The following ADD3 variants were observed in gnomAD, a reference collection of about 807,000 sequenced individuals.
The protein encoded by ADD3 is gamma-adducin.
In ADD3, 25 loss-of-function variants were observed where a neutral mutation model predicts 80.2. The observed-to-expected ratio is 0.31, with a 90% CI of 0.23 to 0.44. The LOEUF is 0.44. Among genes scored for constraint, ADD3 ranks in the 20% least tolerant of loss-of-function variants. The pLI is 1.00. For synonymous variants in ADD3, 284 were observed against 289.6 expected (o/e 0.98, Z 0.20); for missense variants, 829 against 847.5 (o/e 0.98, Z 0.27).
At chr10:110,001,525 A>G (rs1436067680), upstream of ADD3, among the ~76,000 whole-genome samples, 2 of 152,188 alleles carry the variant, frequency 1.3e-5, no homozygotes, top group African/African-American at 4.8e-5. Flanking sequence ...TCTCTTTCAC[A>G]TAATGAAACG....
rs114394576 is a variant in ADD3 at position 110,058,371 on chromosome 10, A to G, written c.-29-42254A>G. Among the ~76,000 whole-genome samples the G allele has an allele frequency of 9.6e-3, 1,461 of 152,286 alleles. 22 individuals are homozygous for G. Among genetic ancestry groups the G allele is most frequent in the African/African-American group, 0.03 (1,252 of 41,556 alleles). On this transcript the variant is annotated intron_variant, in intron 1 of 14. Transcript: ENST00000356080. ...TTGATAAACTGTGGAGCCGCCTGTG[A>G]AAAAGGGCAAGATCTCAGAATTCCT...
chr10:110,027,058 A>C (rs1367544034), intron 1 of ADD3, among the ~76,000 whole-genome samples: 2 of 152,240 alleles, frequency 1.3e-5, no homozygotes, highest in African/African-American at 4.8e-5. Flanking sequence ...ATTCTTAAAC[A>C]GTAAAGATAA....
chr10:110,071,446 G>C (rs890174075), intron 1 of ADD3, among the ~76,000 whole-genome samples: 1 of 152,144 alleles, frequency 6.6e-6, no homozygotes, highest in Non-Finnish European at 1.5e-5. Context: ...GATTTAGAAA[G>C]TAAAAACAAA....
At chr10:110,007,048 T>G (rs1186950794), upstream of ADD3, among the ~76,000 whole-genome samples, 2 of 151,760 alleles carry the variant, frequency 1.3e-5, no homozygotes, top group African/African-American at 4.8e-5. Context: ...TAGGTTGGGA[T>G]GAGAAACATG....
At chr10:110,041,902 T>C (rs920657259) in intron 1 of ADD3, among the ~76,000 whole-genome samples, 6 of 152,226 alleles carry the variant, frequency 3.9e-5, no homozygotes, top group African/African-American at 1.4e-4. Flanking sequence ...TAAGAACTAA[T>C]GAAGGCCATG....
intron 1 of ADD3, among the ~76,000 whole-genome samples, chr10:110,052,673 C>T (rs776294790): frequency 2.6e-5 from 4 of 152,168 alleles, no homozygotes; most frequent in African/African-American, 7.2e-5. Context: ...GCAGGCTCCT[C>T]CTGTGCATAA....
rs554530250 is a variant in ADD3 at position 110,007,991 on chromosome 10, G to C, written c.-338G>C. The C allele has an allele frequency of 5.2e-4, 79 of 152,328 alleles. No homozygotes were observed. In the Middle Eastern group the frequency reaches 0.01, roughly 20 times the overall value. The allele number at this position is 152,328 out of a possible 1,614,324, so 9.4% of individuals were successfully genotyped here. ...CGCTCGGCTAGTCCCGCCAGAGCGC[G>C]AGCCGCCAGCCCGTAACGGTCGCCA... is the stretch of plus-strand genomic sequence containing the variant. On this transcript the variant is annotated 5_prime_UTR_variant, in exon 1 of 15. Transcript: ENST00000356080.
chr10:110,108,769 T>G (rs890233857), intron 2 of ADD3, among the ~76,000 whole-genome samples: 9 of 152,192 alleles, frequency 5.9e-5, no homozygotes, highest in African/African-American at 2.2e-4. Flanking sequence ...GAGTAATAAA[T>G]GTTCATGACA....
chr10:110,120,551 T>C (rs571281327), intron 8 of ADD3, among the ~76,000 whole-genome samples: 102 of 152,282 alleles, frequency 6.7e-4, no homozygotes, highest in South Asian at 1.2e-3. Context: ...CATGTGTCTT[T>C]ATAGCAGCAT....
At chr10:110,127,252 C>T (rs141144262) in intron 12 of ADD3, among the ~76,000 whole-genome samples, 130 of 152,320 alleles carry the variant, frequency 8.5e-4, no homozygotes, top group African/African-American at 3.0e-3. Flanking sequence ...TCCCTACTCT[C>T]ACCTTGCCTT....
At chr10:110,078,715 A>G (rs1002804757) in intron 1 of ADD3, among the ~76,000 whole-genome samples, 1 of 152,168 alleles carries the variant, frequency 6.6e-6, no homozygotes, top group Non-Finnish European at 1.5e-5. Flanking sequence ...ACCACTTTAC[A>G]TCTCTGAAAT....
At chr10:110,028,841 T>G (rs1854628284) in intron 1 of ADD3, among the ~76,000 whole-genome samples, 1 of 151,922 alleles carries the variant, frequency 6.6e-6, no homozygotes. Context: ...CACAATTAAC[T>G]CTCGTCTTTC....
intron 1 of ADD3, among the ~76,000 whole-genome samples, chr10:110,083,964 C>G (rs537699897): frequency 1.3e-5 from 2 of 152,166 alleles, no homozygotes; most frequent in East Asian, 3.8e-4. Context: ...TTACTAAGCT[C>G]CTCATAGATA....
chr10:110,020,604 G>T (rs1853557697), intron 1 of ADD3, among the ~76,000 whole-genome samples: 1 of 152,164 alleles, frequency 6.6e-6, no homozygotes, highest in African/African-American at 2.4e-5. Context: ...TCAAACAGAG[G>T]TGTGGCACCG....
chr10:110,121,517 A>G (rs984145717), intron 8 of ADD3, among the ~76,000 whole-genome samples: 3 of 152,158 alleles, frequency 2.0e-5, no homozygotes, highest in Admixed American at 1.3e-4. Flanking sequence ...GCAAATTCTC[A>G]TGAAGCAAAT....
Position 110,062,677 on chromosome 10 carries a change from T to C in ADD3, c.-29-37948T>C, listed in dbSNP as rs370492728. 2.0e-4 allele frequency among the ~76,000 whole-genome samples: 31 copies of C among 152,364 alleles called. 1 individual carries two copies. In the South Asian group the frequency reaches 6.4e-3, roughly 32 times the overall value. ...AAAATGGTAACCGATTTTAATAAAT[T>C]AGTGAAGAAGACAAAATTAGTTTTT... On this transcript the variant is annotated intron_variant, in intron 1 of 14. Coordinates refer to ENST00000356080, the MANE Select transcript of ADD3 (RefSeq NM_016824.5).
upstream of ADD3, among the ~76,000 whole-genome samples, chr10:110,001,679 T>A (rs1341506452): frequency 6.6e-6 from 1 of 152,160 alleles, no homozygotes; most frequent in African/African-American, 2.4e-5. Flanking sequence ...TTCAGAGATT[T>A]TTTTTTAAAA....
At chr10:110,037,379 C>T (rs760465286) in intron 1 of ADD3, among the ~76,000 whole-genome samples, 2 of 152,016 alleles carry the variant, frequency 1.3e-5, no homozygotes, top group Non-Finnish European at 2.9e-5. Context: ...CCGAGGCAGG[C>T]GGATCACTTG....
chr10:110,098,978 GGT>G lies in ADD3; in HGVS notation c.-29-1643_-29-1642del, dbSNP rs533405058. Among the ~76,000 whole-genome samples the G allele has an allele frequency of 8.1e-4, 123 of 151,940 alleles. 1 individual carries two copies. The highest frequency in any genetic ancestry group is 7.5e-3 in the Admixed American group (114 of 15,252). The stretch of plus-strand genomic sequence containing the variant: ...TCCATCGCCCAGACTGGAATGCAGT[GGT>G]GTGATCATGGCTCACTGCAGCCTCA... On this transcript the variant is annotated intron_variant, in intron 1 of 14. Coordinates refer to ENST00000356080, the MANE Select transcript of ADD3 (RefSeq NM_016824.5).
Sources: allele counts gnomAD v4.1 joint callset (sites outside exome capture counted in the v4.1 genomes callset), GRCh38; gene constraint gnomAD v4.1.1; transcripts MANE v1.5; gene names NCBI Gene and HGNC (gene_info 2026-07-23, HGNC 2026-07-21).